Variants in NAALADL2 observed in about 807,000 individuals in gnomAD.
NAALADL2 encodes N-acetylated alpha-linked acidic dipeptidase like 2, also known as inactive N-acetylated-alpha-linked acidic dipeptidase-like protein 2.
NAALADL2 carries 76 observed loss-of-function variants against 87.2 expected under a neutral mutation model. The ratio of observed to expected loss-of-function variants is 0.87; its 90% CI spans 0.72 to 1.05. The LOEUF is 1.05. Among genes scored for constraint, NAALADL2 ranks in the 50% least tolerant of loss-of-function variants. NAALADL2 has a pLI of 0.00. For missense variants in NAALADL2, 1,089 were observed against 945.8 expected, an observed-to-expected ratio of 1.15 and a Z score of -1.99; for synonymous variants, 354 against 331.0, an observed-to-expected ratio of 1.07 and a Z score of -0.75.
At chr3:175,454,556 C>T (rs1722054750) in intron 6 of NAALADL2, among the ~76,000 whole-genome samples, 1 of 151,962 alleles carries the variant, frequency 6.6e-6, no homozygotes, top group South Asian at 2.1e-4. Context: ...CTCACGAGGC[C>T]ATCAGTATTA....
chr3:175,665,936 A>T (rs1931158), intron 11 of NAALADL2, among the ~76,000 whole-genome samples: 2 of 150,634 alleles, frequency 1.3e-5, no homozygotes, highest in African/African-American at 4.9e-5. Flanking sequence ...TCCCCCCCCC[A>T]AAAAAAAGGT....
At chr3:174,656,738 C>T (rs1394054501) in intron 2 of NAALADL2, among the ~76,000 whole-genome samples, 2 of 152,078 alleles carry the variant, frequency 1.3e-5, no homozygotes, top group African/African-American at 4.8e-5. Context: ...TCTCCTCTGA[C>T]CCCTCCTTTA....
At chr3:175,798,048 C>A (rs572751104) in intron 13 of NAALADL2, among the ~76,000 whole-genome samples, 1 of 151,766 alleles carries the variant, frequency 6.6e-6, no homozygotes, top group Non-Finnish European at 1.5e-5. Flanking sequence ...ATTCAAAATG[C>A]AGAAATTTAT....
chr3:175,505,644 A>G (rs1730206320), intron 9 of NAALADL2, among the ~76,000 whole-genome samples: 1 of 152,212 alleles, frequency 6.6e-6, no homozygotes, highest in Admixed American at 6.5e-5. Flanking sequence ...TTAAGTTACA[A>G]GAAAGCCTTC....
intron 4 of NAALADL2, among the ~76,000 whole-genome samples, chr3:175,309,734 T>C (rs1758137364): frequency 6.6e-6 from 1 of 152,022 alleles, no homozygotes; most frequent in Admixed American, 6.6e-5. Context: ...ATAAATAAAT[T>C]GATTAATAAT....
intron 1 of NAALADL2, among the ~76,000 whole-genome samples, chr3:174,451,843 GTTT>G (rs764587503): frequency 0.019 from 1,902 of 97,876 alleles, 43 homozygotes; most frequent in African/African-American, 0.079. Context: ...GATAGTGGGA[GTTT>G]TTTTTTTTTT....
intron 11 of NAALADL2, among the ~76,000 whole-genome samples, chr3:175,696,030 G>A (rs992068578): frequency 6.6e-6 from 1 of 152,102 alleles, no homozygotes; most frequent in African/African-American, 2.4e-5. Context: ...TTGTAAACCT[G>A]TCTCTGAAAG....
chr3:175,195,727 G>A (rs907679987), intron 2 of NAALADL2, among the ~76,000 whole-genome samples: 2 of 151,880 alleles, frequency 1.3e-5, no homozygotes, highest in Non-Finnish European at 2.9e-5. Flanking sequence ...GCCTGTACAG[G>A]CATAAATTAT....
intron 5 of NAALADL2, among the ~76,000 whole-genome samples, chr3:175,404,764 C>T (rs1465788430): frequency 6.6e-6 from 1 of 152,092 alleles, no homozygotes; most frequent in East Asian, 1.9e-4. Flanking sequence ...TGCATCTGAA[C>T]CATGTACAAG....
chr3:174,442,381 T>G (rs1465423966), intron 1 of NAALADL2, among the ~76,000 whole-genome samples: 1 of 23,218 alleles, frequency 4.3e-5, no homozygotes, highest in Non-Finnish European at 7.2e-5. Flanking sequence ...CTTTAATTTT[T>G]TAGAGATTTT....
chr3:174,448,996 A>G (rs1182294569), intron 1 of NAALADL2, among the ~76,000 whole-genome samples: 1 of 152,248 alleles, frequency 6.6e-6, no homozygotes, highest in Non-Finnish European at 1.5e-5. Context: ...AACCATAAAC[A>G]TCAGTTCTAT....
At chr3:175,713,540 TATACAGTGTTTTG>T (rs1374740342) in intron 11 of NAALADL2, among the ~76,000 whole-genome samples, 2 of 152,140 alleles carry the variant, frequency 1.3e-5, no homozygotes, top group African/African-American at 4.8e-5. Context: ...TGCCTTCTGA[TATACAGTGTTTTG>T]AGAAAGAGTT....
At chr3:174,832,798 G>A (rs79236696) in intron 3 of NAALADL2, among the ~76,000 whole-genome samples, 5,697 of 152,174 alleles carry the variant, frequency 0.037, 105 homozygotes, top group Middle Eastern at 0.088. Context: ...AAGAATTGAA[G>A]CTTAGAGAAA....
chr3:174,914,063 C>T (rs1043281431), intron 1 of NAALADL2, among the ~76,000 whole-genome samples: 7 of 141,732 alleles, frequency 4.9e-5, no homozygotes, highest in South Asian at 2.3e-4. Context: ...CTTTTCTTTT[C>T]TTTTTTTTTT....
intron 5 of NAALADL2, among the ~76,000 whole-genome samples, chr3:175,370,975 T>C (rs1766405796): frequency 6.6e-6 from 1 of 152,132 alleles, no homozygotes; most frequent in African/African-American, 2.4e-5. Flanking sequence ...TTCAGAATCA[T>C]TGAAATGTCT....
chr3:175,325,118 T>C (rs1446299453), intron 5 of NAALADL2, among the ~76,000 whole-genome samples: 2 of 152,340 alleles, frequency 1.3e-5, no homozygotes, highest in East Asian at 3.9e-4. Context: ...CAAAAAATTA[T>C]GTAATTATTT....
chr3:175,070,559 G>A (rs1715441527), intron 1 of NAALADL2, among the ~76,000 whole-genome samples: 1 of 152,036 alleles, frequency 6.6e-6, no homozygotes, highest in Non-Finnish European at 1.5e-5. Context: ...AATTACTAAA[G>A]TGTAGCACAT....
chr3:175,048,350 T>C (rs569150983), intron 1 of NAALADL2, among the ~76,000 whole-genome samples: 5 of 152,250 alleles, frequency 3.3e-5, no homozygotes, highest in Admixed American at 3.3e-4. Context: ...TCTTTTTTTC[T>C]ACTGCATTTT....
At chr3:174,639,254 A>T (rs9845027) in intron 2 of NAALADL2, among the ~76,000 whole-genome samples, 33,564 of 152,130 alleles carry the variant, frequency 0.22, 4,382 homozygotes, top group African/African-American at 0.36. Context: ...AATAACTTAA[A>T]TGCTTTATAC....
Sources: gnomAD v4.1 joint callset for allele counts (sites outside exome capture counted in the v4.1 genomes callset) on GRCh38, gnomAD v4.1.1 for gene constraint, MANE v1.5 for transcripts, NCBI Gene and HGNC (gene_info 2026-07-23, HGNC 2026-07-21) for gene names.